Variants in TPD52L1 observed in about 807,000 individuals in gnomAD.
TPD52L1 encodes tumor protein D53.
Under a neutral mutation model 28.7 loss-of-function variants are expected in TPD52L1, and 18 were observed. The ratio of observed to expected loss-of-function variants is 0.63; its 90% CI spans 0.43 to 0.93. The LOEUF (loss-of-function observed/expected upper bound fraction) is 0.93. Among genes scored for constraint, TPD52L1 ranks in the 40% least tolerant of loss-of-function variants. The probability of loss-of-function intolerance (pLI) is 0.00; values close to 1 mark genes in which losing one functional copy is unlikely to be tolerated. For synonymous variants in TPD52L1, 75 were observed against 88.8 expected, an observed-to-expected ratio of 0.84 and a Z score of 0.88; for missense variants, 203 against 254.8, an observed-to-expected ratio of 0.80 and a Z score of 1.39.
At chr6:125,172,161 CTTTCTTT>C (rs1562211789) in intron 1 of TPD52L1, among the ~76,000 whole-genome samples, 27 of 50,582 alleles carry the variant, frequency 5.3e-4, no homozygotes, top group East Asian at 1.5e-3. Flanking sequence ...TCTTTCTTTT[CTTTCTTT>C]CTTTCTTTCT....
At chr6:125,219,832 GC>G in intron 1 of TPD52L1, 1 of 478,546 alleles carries the variant, frequency 2.1e-6, no homozygotes, top group South Asian at 2.0e-5. Context: ...CTCCCTGAAA[GC>G]TTGTCCTGTT....
At position 125,153,904 on chromosome 6, in the gene TPD52L1, G is replaced by A. The variant is rs1223887173; in HGVS notation, c.-48G>A. 2.5e-6 allele frequency: 4 copies of A among 1,583,290 alleles called. No homozygotes were observed. Among genetic ancestry groups the A allele is most frequent in the Non-Finnish European group, 3.4e-6 (4 of 1,170,684 alleles). ...CCTGGGCGCAGCTGCCATCTGCTCT[G>A]GGAAGCACCAGGGTGTCCCCGCCGC... On this transcript the variant is annotated 5_prime_UTR_variant, in exon 1 of 7. Transcript: ENST00000534000.
At chr6:125,192,599 C>A (rs1172199054) in intron 1 of TPD52L1, among the ~76,000 whole-genome samples, 8 of 152,142 alleles carry the variant, frequency 5.3e-5, no homozygotes, top group Admixed American at 2.0e-4. Flanking sequence ...CTAAGAAAAC[C>A]AGCATCAGTT....
intron 3 of TPD52L1, among the ~76,000 whole-genome samples, chr6:125,232,731 G>C (rs1406918556): frequency 1.3e-5 from 2 of 152,152 alleles, no homozygotes; most frequent in Non-Finnish European, 2.9e-5. Flanking sequence ...GCCTTGATAA[G>C]TAGGAATAAT....
chr6:125,261,002 GAA>G (rs1414360061), intron 6 of TPD52L1: 1 of 43,302 alleles, frequency 2.3e-5, no homozygotes, highest in African/African-American at 1.5e-4. Context: ...AAGAAAGAAA[GAA>G]AGAAAGAAAG....
At chr6:125,219,885 T>G in intron 1 of TPD52L1, 193 bp from the exon 2 acceptor site, 4 of 617,092 alleles carry the variant, frequency 6.5e-6, no homozygotes, top group Non-Finnish European at 1.2e-5. Flanking sequence ...TTTTTCTTTT[T>G]TTGGCTTCTT....
At chr6:125,178,656 A>ATATATATAT (rs1383661753) in intron 1 of TPD52L1, among the ~76,000 whole-genome samples, 8 of 149,716 alleles carry the variant, frequency 5.3e-5, no homozygotes, top group African/African-American at 1.5e-4. Context: ...AAAACAAAAC[A>ATATATATAT]AAATATATAT....
At chr6:125,172,130 TTC>T (rs1491460269) in intron 1 of TPD52L1, among the ~76,000 whole-genome samples, 1 of 74,592 alleles carries the variant, frequency 1.3e-5, no homozygotes, top group Admixed American at 1.3e-4. Context: ...CTTTCTTTCT[TTC>T]TTTCTTTCTT....
At chr6:125,189,594 C>A (rs1032946056) in intron 1 of TPD52L1, among the ~76,000 whole-genome samples, 2 of 152,070 alleles carry the variant, frequency 1.3e-5, no homozygotes, top group Non-Finnish European at 2.9e-5. Context: ...ATTTTTTTAA[C>A]CTAACTTATT....
At chr6:125,191,360 C>A (rs1793026887) in intron 1 of TPD52L1, among the ~76,000 whole-genome samples, 1 of 152,178 alleles carries the variant, frequency 6.6e-6, no homozygotes, top group African/African-American at 2.4e-5. Flanking sequence ...GCAGCTTTTC[C>A]TTTTCTAAAT....
chr6:125,206,121 C>T (rs1004350847), intron 1 of TPD52L1, among the ~76,000 whole-genome samples: 3 of 152,086 alleles, frequency 2.0e-5, no homozygotes, highest in Non-Finnish European at 4.4e-5. Flanking sequence ...GACATAATTT[C>T]TTTTTTTAGC....
intron 1 of TPD52L1, among the ~76,000 whole-genome samples, chr6:125,183,024 A>G (rs1380621468): frequency 6.6e-6 from 1 of 152,230 alleles, no homozygotes; most frequent in Non-Finnish European, 1.5e-5. Flanking sequence ...AATTTCCAAT[A>G]TGACCAGTCT....
chr6:125,216,466 A>T (rs559841938), intron 1 of TPD52L1, among the ~76,000 whole-genome samples: 1 of 149,960 alleles, frequency 6.7e-6, no homozygotes, highest in South Asian at 2.1e-4. Flanking sequence ...ACACGAAAAG[A>T]TATTCATAAT....
chr6:125,223,018 A>C (rs1481042344), intron 2 of TPD52L1, among the ~76,000 whole-genome samples: 1 of 152,204 alleles, frequency 6.6e-6, no homozygotes, highest in Non-Finnish European at 1.5e-5. Context: ...TTAACTTTTC[A>C]GCTTCATAGC....
chr6:125,158,034 TG>T (rs1790252873), intron 1 of TPD52L1, among the ~76,000 whole-genome samples: 1 of 152,182 alleles, frequency 6.6e-6, no homozygotes, highest in Non-Finnish European at 1.5e-5. Flanking sequence ...TCTGTCTCCG[TG>T]GTTATGCTGC....
At chr6:125,180,556 CAT>C (rs1391005283) in intron 1 of TPD52L1, among the ~76,000 whole-genome samples, 4 of 146,810 alleles carry the variant, frequency 2.7e-5, no homozygotes, top group African/African-American at 8.0e-5. Flanking sequence ...CACACACACA[CAT>C]ATATTATATA....
chr6:125,159,782 G>GTT (rs60586194), intron 1 of TPD52L1, among the ~76,000 whole-genome samples: 83,176 of 151,842 alleles, frequency 0.55, 25,578 homozygotes, highest in African/African-American at 0.85. Context: ...GTAGACGTGT[G>GTT]AGCAATGTTA....
chr6:125,172,512 CTATATATATATATATATATATATATA>C (rs60135828), intron 1 of TPD52L1, among the ~76,000 whole-genome samples: 7 of 16,396 alleles, frequency 4.3e-4, no homozygotes, highest in South Asian at 2.7e-3. Flanking sequence ...CTCTTTCATG[CTATATATATATATATATATATATATA>C]TATATATATA....
intron 3 of TPD52L1, among the ~76,000 whole-genome samples, chr6:125,233,811 G>A (rs1414285922): frequency 6.6e-6 from 1 of 152,140 alleles, no homozygotes; most frequent in Non-Finnish European, 1.5e-5. Context: ...AAAACAACAT[G>A]CTTTCTCCTT....
Sources: allele counts gnomAD v4.1 joint callset (sites outside exome capture counted in the v4.1 genomes callset), GRCh38; gene constraint gnomAD v4.1.1; transcripts MANE v1.5; gene names NCBI Gene and HGNC (gene_info 2026-07-23, HGNC 2026-07-21).